ZNF536: variants seen among roughly 807,000 people sequenced by gnomAD.
The protein encoded by ZNF536 is zinc finger protein 536.
ZNF536 carries 13 observed loss-of-function variants against 84.5 expected under a neutral mutation model. The ratio of observed to expected loss-of-function variants is 0.15; its 90% CI spans 0.10 to 0.24. The LOEUF is 0.24. Ranked by LOEUF, ZNF536 falls within the 10% of genes least tolerant of loss-of-function variation. The probability of loss-of-function intolerance (pLI) is 1.00; values close to 1 mark genes in which losing one functional copy is unlikely to be tolerated. For missense variants in ZNF536, 1,536 were observed against 1,747.5 expected (o/e 0.88, Z 2.16); for synonymous variants, 811 against 742.5 (o/e 1.09, Z -1.50).
At chr19:30,430,579 T>C (rs1036411017) in intron 1 of ZNF536, among the ~76,000 whole-genome samples, 2 of 152,184 alleles carry the variant, frequency 1.3e-5, no homozygotes, top group African/African-American at 4.8e-5. Context: ...TGGTATTTAA[T>C]TTCTCCCAAG....
At chr19:30,496,342 T>C (rs1286980921) in intron 2 of ZNF536, among the ~76,000 whole-genome samples, 1 of 152,180 alleles carries the variant, frequency 6.6e-6, no homozygotes, top group Non-Finnish European at 1.5e-5. Flanking sequence ...CTTTCCTTAT[T>C]GAATCAGTCT....
rs573572153 is a variant in ZNF536 at position 30,683,702 on chromosome 19, G to T, written c.170-27055G>T. 2.9e-3 allele frequency among the ~76,000 whole-genome samples: 446 copies of T among 152,278 alleles called. 1 individual carries two copies. Among genetic ancestry groups the T allele is most frequent in the African/African-American group, 0.01 (426 of 41,548 alleles). ...CAAAGACATGACCTTTCTAATGCAG[G>T]AACCAAAGAAGCGTGTGGCCACACC... On this transcript the variant is annotated intron_variant, in intron 1 of 1. Transcript: ENST00000592773.
At chr19:30,565,713 T>A (rs115046009) in intron 1 of ZNF536, among the ~76,000 whole-genome samples, 2,178 of 152,288 alleles carry the variant, frequency 0.014, 47 homozygotes, top group African/African-American at 0.049. Flanking sequence ...CCTTCTGTCA[T>A]CTCCAATGCC....
chr19:30,337,540 A>T (rs1241701184), intron 2 of ZNF536, among the ~76,000 whole-genome samples: 1 of 152,196 alleles, frequency 6.6e-6, no homozygotes, highest in Non-Finnish European at 1.5e-5. Flanking sequence ...ACCACAAACC[A>T]GTGCCAGTCC....
chr19:30,669,464 G>A (rs2050459688), intron 1 of ZNF536, among the ~76,000 whole-genome samples: 1 of 152,216 alleles, frequency 6.6e-6, no homozygotes, highest in Non-Finnish European at 1.5e-5. Context: ...CCAGCCTGAT[G>A]AAGAAAGAAG....
chr19:30,666,179 C>A (rs1303814161), intron 1 of ZNF536, among the ~76,000 whole-genome samples: 1 of 152,200 alleles, frequency 6.6e-6, no homozygotes, highest in African/African-American at 2.4e-5. Context: ...GATCACGGCT[C>A]ACCTGGTCTC....
chr19:30,417,625 G>A (rs2050788874), intron 1 of ZNF536, among the ~76,000 whole-genome samples: 1 of 152,032 alleles, frequency 6.6e-6, no homozygotes, highest in Non-Finnish European at 1.5e-5. Context: ...AATTTTCTTT[G>A]CTAATTGCAT....
At chr19:30,524,019 C>T (rs749518636) in intron 2 of ZNF536, among the ~76,000 whole-genome samples, 2 of 152,230 alleles carry the variant, frequency 1.3e-5, no homozygotes, top group South Asian at 2.1e-4. Flanking sequence ...CTGCACTCCA[C>T]GGAGGGGCAT....
At chr19:30,586,393 C>T (rs1409127810) in intron 1 of ZNF536, among the ~76,000 whole-genome samples, 2 of 152,202 alleles carry the variant, frequency 1.3e-5, no homozygotes, top group Non-Finnish European at 1.5e-5. Flanking sequence ...CACGTAAGTC[C>T]TAAGGTCAAC....
chr19:30,660,918 G>A (rs1057274438), intron 1 of ZNF536, among the ~76,000 whole-genome samples: 10 of 152,234 alleles, frequency 6.6e-5, no homozygotes, highest in South Asian at 2.1e-4. Context: ...TACATGCTCC[G>A]CAGCAGCCTT....
chr19:30,407,554 G>A (rs1284129717), intron 1 of ZNF536, among the ~76,000 whole-genome samples: 2 of 152,160 alleles, frequency 1.3e-5, no homozygotes, highest in African/African-American at 4.8e-5. Flanking sequence ...GGGGCCTCAC[G>A]AACTTCTGAC....
chr19:30,246,768 G>A (rs770481702), intron 1 of ZNF536, among the ~76,000 whole-genome samples: 6 of 152,158 alleles, frequency 3.9e-5, no homozygotes, highest in Non-Finnish European at 7.3e-5. Context: ...GCTGTCTAGC[G>A]GTAGCCAAGG....
intron 1 of ZNF536, among the ~76,000 whole-genome samples, chr19:30,681,541 TTTAGC>T (rs1390508369): frequency 6.6e-6 from 1 of 152,178 alleles, no homozygotes; most frequent in Non-Finnish European, 1.5e-5. Context: ...CCTGGCCTGC[TTTAGC>T]TGGGGCACCA....
chr19:30,485,978 GA>G (rs1599549326), intron 2 of ZNF536, among the ~76,000 whole-genome samples: 1 of 152,150 alleles, frequency 6.6e-6, no homozygotes, highest in East Asian at 1.9e-4. Flanking sequence ...GTTGCTCCGA[GA>G]CCAGTAAAGG....
intron 1 of ZNF536, among the ~76,000 whole-genome samples, chr19:30,247,739 G>C (rs923412655): frequency 1.3e-5 from 2 of 152,218 alleles, no homozygotes; most frequent in African/African-American, 4.8e-5. Context: ...TGAGGTGAGA[G>C]GATGGCTTGA....
At chr19:30,307,405 T>C (rs939245164) in intron 2 of ZNF536, among the ~76,000 whole-genome samples, 15 of 149,016 alleles carry the variant, frequency 1.0e-4, no homozygotes, top group Non-Finnish European at 1.9e-4. Context: ...AAAAAAAATC[T>C]GTTCTGCACC....
chr19:30,567,909 C>A (rs868044702), intron 1 of ZNF536, among the ~76,000 whole-genome samples: 1 of 152,058 alleles, frequency 6.6e-6, no homozygotes, highest in Non-Finnish European at 1.5e-5. Flanking sequence ...GGATCTTAGG[C>A]CTTTGAGGCT....
At chr19:30,506,565 G>C (rs1360742369) in intron 2 of ZNF536, among the ~76,000 whole-genome samples, 1 of 152,216 alleles carries the variant, frequency 6.6e-6, no homozygotes, top group African/African-American at 2.4e-5. Context: ...CCTGGGGAAA[G>C]ACCTGCCTGG....
intron 1 of ZNF536, among the ~76,000 whole-genome samples, chr19:30,422,229 C>A (rs867583572): frequency 6.6e-6 from 1 of 152,060 alleles, no homozygotes; most frequent in East Asian, 1.9e-4. Context: ...TTTTAGGAAA[C>A]AGGGCTCTAC....
Sources: allele counts gnomAD v4.1 joint callset (sites outside exome capture counted in the v4.1 genomes callset), GRCh38; gene constraint gnomAD v4.1.1; transcripts MANE v1.5; gene names NCBI Gene and HGNC (gene_info 2026-07-23, HGNC 2026-07-21).